Variants in PSD2 observed in about 807,000 individuals in gnomAD.
PSD2 encodes the protein PH and SEC7 domain-containing protein 2.
Under a neutral mutation model 69.8 loss-of-function variants are expected in PSD2, and 38 were observed. The ratio of observed to expected loss-of-function variants is 0.54; its 90% CI spans 0.42 to 0.71. The LOEUF is 0.71. PSD2 is among the 30% of genes least tolerant of loss of function. PSD2 has a pLI of 0.00. For missense variants in PSD2, 943 were observed against 1,014.5 expected, an observed-to-expected ratio of 0.93 and a Z score of 0.96; for synonymous variants, 412 against 423.0, an observed-to-expected ratio of 0.97 and a Z score of 0.32.
chr5:139,754,433 C>G, the PSD2 span, among the ~76,000 whole-genome samples: 4 of 151,764 alleles, frequency 2.6e-5, no homozygotes, highest in East Asian at 2.0e-4. Flanking sequence ...TGTGGTGGCT[C>G]ACACCTGTAA....
the PSD2 span, among the ~76,000 whole-genome samples, chr5:139,760,030 G>C: frequency 2.0e-4 from 31 of 152,362 alleles, no homozygotes; most frequent in Middle Eastern, 0.01. Flanking sequence ...TCGCTGTTCA[G>C]GCCCAGGTTG....
At chr5:139,768,722 T>TA in the PSD2 span, among the ~76,000 whole-genome samples, 2,896 of 114,866 alleles carry the variant, frequency 0.025, 70 homozygotes, top group African/African-American at 0.076. Context: ...AAACTCCATC[T>TA]AAAAAAAAAA....
the PSD2 span, among the ~76,000 whole-genome samples, chr5:139,755,914 TA>T: frequency 1.3e-5 from 2 of 151,948 alleles, no homozygotes; most frequent in Non-Finnish European, 1.5e-5. Context: ...TTCGTATACT[TA>T]AAAAAAGCAC....
chr5:139,744,614 G>A, the PSD2 span, among the ~76,000 whole-genome samples: 1 of 152,126 alleles, frequency 6.6e-6, no homozygotes, highest in Non-Finnish European at 1.5e-5. Flanking sequence ...GCGGGGGTGG[G>A]GGGAAGGCTC....
intron 1 of PSD2, among the ~76,000 whole-genome samples, chr5:139,809,146 C>G (rs10076147): frequency 0.3 from 45,152 of 152,032 alleles, 8,115 homozygotes; most frequent in African/African-American, 0.51. Context: ...AGAGGTAACA[C>G]GAAGGGCAGG....
At position 139,801,886 on chromosome 5, in the gene PSD2, C is replaced by G. The variant is rs144181500; in HGVS notation, c.-51+5911C>G. ...GGCGTCACTCTTGGGTCCCCTCTCT[C>G]TCTCCTGCCCCATGTACAGCACATG... On this transcript the variant is annotated intron_variant, in intron 1 of 14. Transcript: ENST00000274710. 3.6e-3 allele frequency among the ~76,000 whole-genome samples: 550 copies of G among 152,310 alleles called. 27 individuals carry two copies. The South Asian group carries it at 0.087, about 24-fold the overall frequency.
chr5:139,815,618 T>C (rs915064481), intron 4 of PSD2, among the ~76,000 whole-genome samples: 40 of 152,192 alleles, frequency 2.6e-4, no homozygotes, highest in Middle Eastern at 3.4e-3. Flanking sequence ...TGGTGGTTGC[T>C]CCCCAGGCCT....
At position 139,809,613 on chromosome 5, in the gene PSD2, A is replaced by T; in HGVS notation, c.173A>T (p.Glu58Val). 2.5e-6 allele frequency: 4 copies of T among 1,614,262 alleles called. No homozygotes were observed. The highest frequency in any genetic ancestry group is 2.2e-5 in the South Asian group (2 of 91,092). ...CGAAGGGGCACCCCAGCGGACACTGAGGAACCCACGAAGGACCCAGATGTG... is the reference window on the plus strand; with the variant it reads ...CGAAGGGGCACCCCAGCGGACACTGTGGAACCCACGAAGGACCCAGATGTG... The part of the protein sequence containing the change: ...HERRGTPADT[E>V]EPTKDPDVAF... Residue 58 changes from glutamate to valine, a missense_variant, in exon 2 of 15, where the codon GAG (glutamate) becomes GTG (valine). Physicochemically the swap from Glu to Val is moderately radical, Grantham distance 121. Around this residue, in one of 3 missense-constraint regions of PSD2, gnomAD observed 466 missense variants for 445.0 expected, o/e 1.05. Transcript: ENST00000274710.
At chr5:139,748,233 C>T in the PSD2 span, among the ~76,000 whole-genome samples, 1 of 151,062 alleles carries the variant, frequency 6.6e-6, no homozygotes, top group Non-Finnish European at 1.5e-5. Flanking sequence ...AGAGGCTGAG[C>T]TAGAACCCAG....
In PSD2 at chr5:139,837,856, C is replaced by G. The variant is rs78471494; in HGVS notation, c.1823+74C>G. On this transcript the variant is annotated intron_variant, in intron 12 of 14. Transcript: ENST00000274710. This position sits in a 1 kb window ranked among gnomAD's most constrained non-coding sequence, Gnocchi z 5.0. The stretch of plus-strand genomic sequence containing the variant: ...AGTGACCCGGCACACAACCCCTCTC[C>G]TTCCCGTGAGTCAGCAACAGAGCAT... 3.9e-3 allele frequency: 5,623 copies of G among 1,446,148 alleles called. 203 individuals are homozygous for G. In the African/African-American group the frequency reaches 0.069, roughly 18 times the overall value. The allele number at this position is 1,446,148 out of a possible 1,614,324, so 89.6% of individuals were successfully genotyped here. A position where few individuals can be genotyped will look rare whatever the true frequency, so the allele number is the denominator to read the frequency against.
At position 139,840,074 on chromosome 5, in the gene PSD2, G is replaced by A. The variant is rs745698665; in HGVS notation, c.2016G>A (p.Ala672=). 3.0e-5 allele frequency: 49 copies of A among 1,614,126 alleles called. No homozygotes were observed. Among genetic ancestry groups the A allele is most frequent in the Admixed American group, 2.7e-4 (16 of 60,010 alleles). Residue 672 remains alanine (A), a synonymous_variant, in exon 14 of 15, where the codon GCG becomes GCA. Transcript: ENST00000274710. ...AGAATAAGTTGAGGCAGCTGACTGCGGAGCTGGCCGAACACAGGTGTCACC... is the reference window on the plus strand; with the variant it reads ...AGAATAAGTTGAGGCAGCTGACTGCAGAGCTGGCCGAACACAGGTGTCACC... The part of the protein sequence containing the change: ...SHENKLRQLT[A]ELAEHRCHPV...
chr5:139,790,771 T>C, the PSD2 span, among the ~76,000 whole-genome samples: 2 of 151,938 alleles, frequency 1.3e-5, no homozygotes, highest in Admixed American at 1.3e-4. Context: ...GGCCGGGTGC[T>C]GTGGTTCATG....
At chr5:139,822,206 T>G (rs1057452638) in intron 6 of PSD2, among the ~76,000 whole-genome samples, 1 of 152,254 alleles carries the variant, frequency 6.6e-6, no homozygotes, top group African/African-American at 2.4e-5. Flanking sequence ...AGGCGCAGTC[T>G]TGCCTGTTCT....
chr5:139,798,665 TTC>T (rs955015148), intron 1 of PSD2, among the ~76,000 whole-genome samples: 6 of 151,698 alleles, frequency 4.0e-5, no homozygotes, highest in African/African-American at 1.2e-4. Context: ...CTCTCTCTCT[TTC>T]TCTCTCTCTC....
chr5:139,806,790 C>A (rs1759819692), intron 1 of PSD2, among the ~76,000 whole-genome samples: 1 of 152,184 alleles, frequency 6.6e-6, no homozygotes, highest in Admixed American at 6.5e-5. Context: ...CTTGCTTGGG[C>A]TCAGCAAGAG....
At chr5:139,795,245 C>G (rs1454868475), upstream of PSD2, among the ~76,000 whole-genome samples, 3 of 152,154 alleles carry the variant, frequency 2.0e-5, no homozygotes, top group Admixed American at 1.3e-4. The surrounding 1 kb of genome is among the most constrained non-coding windows in gnomAD (Gnocchi z 4.5). Flanking sequence ...CCGTGTGACT[C>G]TAGGTCTCAG....
chr5:139,838,009 G>C (rs1350174776), intron 12 of PSD2, among the ~76,000 whole-genome samples: 1 of 152,198 alleles, frequency 6.6e-6, no homozygotes, highest in African/African-American at 2.4e-5. Context: ...CAAAACTCTG[G>C]GATGGCTCCA....
chr5:139,822,133 T>A, intron 6 of PSD2, 128 bp downstream of exon 6: 1 of 568,036 alleles, frequency 1.8e-6, no homozygotes. Context: ...CTCTCTGGCA[T>A]GCAGTAGGTG....
chr5:139,808,504 G>A (rs1054712878), intron 1 of PSD2, among the ~76,000 whole-genome samples: 2 of 152,186 alleles, frequency 1.3e-5, no homozygotes, highest in African/African-American at 4.8e-5. Flanking sequence ...GCCTGACCTG[G>A]ACTCACACGA....
Sources: allele counts gnomAD v4.1 joint callset (sites outside exome capture counted in the v4.1 genomes callset), GRCh38; gene constraint gnomAD v4.1.1; regional missense constraint gnomAD v4.1.1; non-coding constraint Gnocchi (gnomAD v3.1); transcripts MANE v1.5; gene names NCBI Gene and HGNC (gene_info 2026-07-23, HGNC 2026-07-21).